Variants in PDCD1LG2 observed in about 807,000 individuals in gnomAD.
The protein encoded by PDCD1LG2 is B7 dendritic cell molecule.
Under a neutral mutation model 28.2 loss-of-function variants are expected in PDCD1LG2, and 32 were observed. That is an observed-to-expected ratio of 1.13 (90% CI 0.86 to 1.52). PDCD1LG2 has a LOEUF of 1.52. PDCD1LG2 is among the 40% of genes most tolerant of loss of function. PDCD1LG2 has a pLI of 0.00. For missense variants in PDCD1LG2, 385 were observed against 323.8 expected (o/e 1.19, Z -1.45); for synonymous variants, 116 against 120.2 (o/e 0.97, Z 0.23).
At chr9:5,543,989 T>C (rs1201891934) in intron 3 of PDCD1LG2, among the ~76,000 whole-genome samples, 1 of 152,212 alleles carries the variant, frequency 6.6e-6, no homozygotes, top group Non-Finnish European at 1.5e-5. Context: ...TACTAGAAAC[T>C]TGCATAGATC....
chr9:5,553,162 A>C (rs2129898776), intron 4 of PDCD1LG2, among the ~76,000 whole-genome samples: 1 of 152,286 alleles, frequency 6.6e-6, no homozygotes, highest in South Asian at 2.1e-4. Flanking sequence ...AGGGAGGGGA[A>C]AGAAAGAAAC....
intron 2 of PDCD1LG2, among the ~76,000 whole-genome samples, chr9:5,532,350 G>C (rs1820499816): frequency 6.6e-6 from 1 of 152,192 alleles, no homozygotes; most frequent in African/African-American, 2.4e-5. Flanking sequence ...TCGGTCATTT[G>C]AAATAAATCT....
chr9:5,556,253 T>A (rs1303800534), intron 4 of PDCD1LG2, among the ~76,000 whole-genome samples: 1 of 152,192 alleles, frequency 6.6e-6, no homozygotes, highest in Non-Finnish European at 1.5e-5. Flanking sequence ...TCTCCTGTTG[T>A]GGGGACAGTG....
chr9:5,549,637 G>T (rs765847860), intron 4 of PDCD1LG2, 33 bp downstream of exon 4: 1 of 1,610,886 alleles, frequency 6.2e-7, no homozygotes, highest in Non-Finnish European at 8.5e-7. Context: ...AGGTCTATCA[G>T]TTAGGGTTCA....
At chr9:5,534,245 G>A (rs187801706) in intron 2 of PDCD1LG2, among the ~76,000 whole-genome samples, 3 of 152,240 alleles carry the variant, frequency 2.0e-5, no homozygotes, top group Admixed American at 6.5e-5. Flanking sequence ...AGTGATACCT[G>A]GCACAAAAAT....
At chr9:5,516,226 T>A (rs1302136876) in intron 1 of PDCD1LG2, among the ~76,000 whole-genome samples, 1 of 152,184 alleles carries the variant, frequency 6.6e-6, no homozygotes, top group Non-Finnish European at 1.5e-5. Flanking sequence ...TAATTTTTTG[T>A]ATTTTTAGTA....
chr9:5,526,483 G>T (rs1391100198), intron 2 of PDCD1LG2, among the ~76,000 whole-genome samples: 1 of 152,046 alleles, frequency 6.6e-6, no homozygotes, highest in Non-Finnish European at 1.5e-5. Context: ...TGTCATCCAT[G>T]CTGGAGTGCA....
chr9:5,548,083 G>T (rs1221710347), intron 3 of PDCD1LG2, among the ~76,000 whole-genome samples: 1 of 151,348 alleles, frequency 6.6e-6, no homozygotes, highest in African/African-American at 2.4e-5. Context: ...TTTGAATACA[G>T]AATGCATTAA....
chr9:5,557,507 A>G (rs976901000), intron 4 of PDCD1LG2, 111 bp from the exon 5 acceptor site: 1 of 1,280,828 alleles, frequency 7.8e-7, no homozygotes, highest in Non-Finnish European at 1.1e-6. Flanking sequence ...GGTGTGGAGT[A>G]AATGCTCCAC....
At chr9:5,512,732 T>C (rs1478525890) in intron 1 of PDCD1LG2, among the ~76,000 whole-genome samples, 1 of 152,206 alleles carries the variant, frequency 6.6e-6, no homozygotes, top group Admixed American at 6.5e-5. Flanking sequence ...GGAATGCTTA[T>C]GCCTTGCCCA....
intron 3 of PDCD1LG2, among the ~76,000 whole-genome samples, chr9:5,549,079 C>T (rs1365726826): frequency 6.6e-6 from 1 of 152,170 alleles, no homozygotes; most frequent in Admixed American, 6.6e-5. Context: ...AAACACTCAA[C>T]TTCTCTATCT....
At chr9:5,563,266 G>C (rs1816602053) in intron 6 of PDCD1LG2, 55 bp downstream of exon 6, 6 of 1,412,926 alleles carry the variant, frequency 4.2e-6, no homozygotes, top group Admixed American at 1.8e-5. Context: ...CTCTCAGCTT[G>C]AATTTTAAAG....
chr9:5,516,154 C>A (rs1053390868), intron 1 of PDCD1LG2, among the ~76,000 whole-genome samples: 1 of 151,858 alleles, frequency 6.6e-6, no homozygotes, highest in Admixed American at 6.6e-5. Context: ...CGGGTTCAAG[C>A]GATTCTCCTG....
intron 1 of PDCD1LG2, among the ~76,000 whole-genome samples, chr9:5,521,684 C>A (rs1006927726): frequency 6.6e-6 from 1 of 152,170 alleles, no homozygotes; most frequent in Non-Finnish European, 1.5e-5. Flanking sequence ...GACCCAAACC[C>A]TCCACTGCTT....
rs1816759289 is a variant in PDCD1LG2, at chr9:5,571,046, C to G, written c.*1087C>G. The G allele has an allele frequency of 4.3e-6, 1 of 232,426 alleles. No homozygotes were observed. The highest frequency in any genetic ancestry group is 2.2e-5 in the African/African-American group (1 of 45,312). The allele number at this position is 232,426 out of a possible 1,614,324, so 14.4% of individuals were successfully genotyped here. On this transcript the variant is annotated 3_prime_UTR_variant, in exon 7 of 7. Transcript: ENST00000397747. The stretch of plus-strand genomic sequence containing the variant: ...ATGAAGCTCAGAGCATTAGCTGACC[C>G]TTGAACTATTCAAATGGGCACATTA...
intron 2 of PDCD1LG2, among the ~76,000 whole-genome samples, chr9:5,532,792 G>A (rs1332184781): frequency 6.6e-6 from 1 of 152,176 alleles, no homozygotes; most frequent in African/African-American, 2.4e-5. Context: ...ACTTTCCCAA[G>A]AATTAAAACA....
chr9:5,562,036 G>C (rs1190057129), intron 5 of PDCD1LG2, among the ~76,000 whole-genome samples: 2 of 152,176 alleles, frequency 1.3e-5, no homozygotes, highest in Non-Finnish European at 1.5e-5. Context: ...CCAAGCTCAG[G>C]ATAGTCATGA....
At position 5,570,198 on chromosome 9, in the gene PDCD1LG2, A is replaced by C. The variant is rs1475740399; in HGVS notation, c.*239A>C. On this transcript the variant is annotated 3_prime_UTR_variant, in exon 7 of 7. Transcript: ENST00000397747. ...TATGGCTTTAAGCAAGCACTACTGC[A>C]CTTTACAGAATTACCCCACTGGATC... 2 of 469,096 alleles carry C rather than the reference A, an allele frequency of 4.3e-6. No individual in the cohort carries two copies. Among genetic ancestry groups the C allele is most frequent in the East Asian group, 3.0e-5 (1 of 33,484 alleles). 29.1% of individuals were successfully genotyped at this position (469,096 alleles called of 1,614,324 possible).
At chr9:5,540,759 T>C (rs530349848) in intron 3 of PDCD1LG2, among the ~76,000 whole-genome samples, 2 of 152,218 alleles carry the variant, frequency 1.3e-5, no homozygotes, top group Middle Eastern at 3.4e-3. Flanking sequence ...ACCAGACAGA[T>C]TCATAGCTGA....
Sources: allele counts gnomAD v4.1 joint callset (sites outside exome capture counted in the v4.1 genomes callset), GRCh38; gene constraint gnomAD v4.1.1; transcripts MANE v1.5; gene names NCBI Gene and HGNC (gene_info 2026-07-23, HGNC 2026-07-21).